Variants in ASPM observed in about 807,000 individuals in gnomAD.
ASPM encodes the protein assembly factor for spindle microtubules, also known as abnormal spindle-like microcephaly-associated protein.
Under a neutral mutation model 366.4 loss-of-function variants are expected in ASPM, and 256 were observed. The ratio of observed to expected loss-of-function variants is 0.70; its 90% CI spans 0.63 to 0.77. The LOEUF (loss-of-function observed/expected upper bound fraction) is 0.77. Ranked by LOEUF, ASPM falls within the 30% of genes least tolerant of loss-of-function variation. The probability of loss-of-function intolerance (pLI) is 0.00; values close to 1 mark genes in which losing one functional copy is unlikely to be tolerated. For missense variants in ASPM, 4,146 were observed against 4,090.4 expected, an observed-to-expected ratio of 1.01 and a Z score of -0.37; for synonymous variants, 1,414 against 1,342.9, an observed-to-expected ratio of 1.05 and a Z score of -1.16.
intron 3 of ASPM, among the ~76,000 whole-genome samples, chr1:197,141,876 C>T (rs1481246749): frequency 6.6e-6 from 1 of 152,162 alleles, no homozygotes; most frequent in Non-Finnish European, 1.5e-5. Flanking sequence ...AAGAGCCACT[C>T]TTGGTGACTT....
intron 17 of ASPM, among the ~76,000 whole-genome samples, chr1:197,111,078 A>G: frequency 6.6e-6 from 1 of 152,130 alleles, no homozygotes; most frequent in Admixed American, 6.6e-5. Context: ...AAAAAACATA[A>G]TTGACAAATG....
At chr1:197,094,032 T>G in intron 20 of ASPM, 52 bp downstream of exon 20, 1 of 1,134,780 alleles carries the variant, frequency 8.8e-7, no homozygotes, top group Non-Finnish European at 1.3e-6. Flanking sequence ...CATTCTTTGT[T>G]TTCTATTTCC....
intron 13 of ASPM, 127 bp from the exon 14 acceptor site, chr1:197,122,722 C>T: frequency 1.1e-6 from 1 of 894,878 alleles, no homozygotes. Context: ...CAAGTAATGG[C>T]AAGTTTGACT....
intron 18 of ASPM, among the ~76,000 whole-genome samples, chr1:197,100,224 G>A (rs1354083832): frequency 1.3e-5 from 2 of 151,624 alleles, no homozygotes; most frequent in Non-Finnish European, 3.0e-5. Context: ...GGGTGACCAT[G>A]GCCAGAACAA....
At chr1:197,098,275 G>A (rs934228364) in intron 18 of ASPM, among the ~76,000 whole-genome samples, 4 of 151,090 alleles carry the variant, frequency 2.6e-5, no homozygotes, top group Non-Finnish European at 5.9e-5. Context: ...CCCAAACTTC[G>A]CTGCTCATTA....
At chr1:197,133,066 T>C (rs1049654163) in intron 6 of ASPM, among the ~76,000 whole-genome samples, 2 of 152,190 alleles carry the variant, frequency 1.3e-5, no homozygotes, top group African/African-American at 2.4e-5. Context: ...ATGACGACTA[T>C]AGTTAATAAC....
intron 13 of ASPM, among the ~76,000 whole-genome samples, 153 bp downstream of exon 13, chr1:197,123,957 G>C (rs903393957): frequency 1.1e-4 from 17 of 152,078 alleles, no homozygotes; most frequent in Non-Finnish European, 1.5e-5. Context: ...ATGAAATACA[G>C]TGTATGATAA....
At position 197,142,547 on chromosome 1, in the gene ASPM, C is replaced by G. The variant is rs1289452867; in HGVS notation, c.1705G>C (p.Ala569Pro). 6.2e-7 allele frequency: 1 copy of G among 1,614,036 alleles called. No homozygotes were observed. Among genetic ancestry groups the G allele is most frequent in the South Asian group, 1.1e-5 (1 of 91,084 alleles). ...KNEVTPSSTT[A>P]SVARKRKSDG... Reference sequence around the variant, plus strand: ...CTCTTTCTTTTCCGAGCAACTGAAGCTGTTGTCGAAGAGGGTGTTACCTCG... The same window carrying G: ...CTCTTTCTTTTCCGAGCAACTGAAGGTGTTGTCGAAGAGGGTGTTACCTCG... The change falls in exon 3 of 28, where the codon GCT becomes CCT. Residue 569 changes from alanine (A) to proline (P), a missense_variant. Transcript: ENST00000367409.
intron 4 of ASPM, 152 bp from the exon 5 acceptor site, chr1:197,135,394 T>G (rs1658386610): frequency 2.5e-6 from 2 of 812,486 alleles, no homozygotes; most frequent in Non-Finnish European, 4.1e-6. Context: ...GAAAGCATTT[T>G]GGGTAAGAAA....
At chr1:197,126,179 G>A (rs1462762302) in intron 10 of ASPM, among the ~76,000 whole-genome samples, 2 of 152,034 alleles carry the variant, frequency 1.3e-5, no homozygotes, top group African/African-American at 4.8e-5. Flanking sequence ...GGTGGCTCAC[G>A]CCTGTAATCC....
chr1:197,117,014 G>C (rs1024334193), intron 17 of ASPM, among the ~76,000 whole-genome samples: 10 of 151,898 alleles, frequency 6.6e-5, no homozygotes, highest in African/African-American at 2.2e-4. Context: ...CATTTATTTT[G>C]TGAAAAATCA....
intron 3 of ASPM, among the ~76,000 whole-genome samples, chr1:197,140,715 C>T (rs1658553710): frequency 6.6e-6 from 1 of 152,042 alleles, no homozygotes; most frequent in South Asian, 2.1e-4. Context: ...TTTAAGAAAA[C>T]AGTATGGACA....
intron 17 of ASPM, among the ~76,000 whole-genome samples, chr1:197,112,630 A>G (rs928079141): frequency 6.6e-6 from 1 of 152,060 alleles, no homozygotes; most frequent in East Asian, 1.9e-4. Flanking sequence ...TCCTTTGGAA[A>G]GGCTAATCAG....
chr1:197,086,733 C>A (rs1656599058), intron 27 of ASPM, 70 bp downstream of exon 27: 3 of 1,295,694 alleles, frequency 2.3e-6, no homozygotes, highest in Non-Finnish European at 3.4e-6. Context: ...ATGGTAAGTG[C>A]TCAATAAATA....
At chr1:197,135,763 C>T (rs1410486466) in intron 4 of ASPM, among the ~76,000 whole-genome samples, 2 of 150,874 alleles carry the variant, frequency 1.3e-5, no homozygotes, top group Non-Finnish European at 2.9e-5. Context: ...CCAGCCTGGG[C>T]AACATGGCAA....
At chr1:197,135,702 G>A (rs1468232254) in intron 4 of ASPM, among the ~76,000 whole-genome samples, 1 of 130,502 alleles carries the variant, frequency 7.7e-6, no homozygotes, top group Non-Finnish European at 1.5e-5. Flanking sequence ...TAATGAGATT[G>A]CTGGGTAAAT....
chr1:197,141,014 G>A (rs1658561761), intron 3 of ASPM, among the ~76,000 whole-genome samples: 2 of 152,112 alleles, frequency 1.3e-5, no homozygotes, highest in South Asian at 4.1e-4. Flanking sequence ...TGGAATAGCA[G>A]TTCACTCTTT....
chr1:197,115,483 A>C (rs544463927), intron 17 of ASPM, among the ~76,000 whole-genome samples: 1 of 152,316 alleles, frequency 6.6e-6, no homozygotes, highest in Non-Finnish European at 1.5e-5. Flanking sequence ...AAAATGATGA[A>C]TCCTTTCCAG....
chr1:197,123,103 G>A (rs923825388), intron 13 of ASPM, among the ~76,000 whole-genome samples: 1 of 152,054 alleles, frequency 6.6e-6, no homozygotes, highest in East Asian at 1.9e-4. Flanking sequence ...TATAATTCAC[G>A]CCTGCATTAA....
Sources: gnomAD v4.1 joint callset for allele counts (sites outside exome capture counted in the v4.1 genomes callset) on GRCh38, gnomAD v4.1.1 for gene constraint, MANE v1.5 for transcripts, NCBI Gene and HGNC (gene_info 2026-07-23, HGNC 2026-07-21) for gene names.